EIF3M: variants seen among roughly 807,000 people sequenced by gnomAD.
EIF3M encodes the protein B5 receptor.
In EIF3M, 25 loss-of-function variants were observed where a neutral mutation model predicts 49.7. That is an observed-to-expected ratio of 0.50 (90% CI 0.37 to 0.70). The LOEUF is 0.70. EIF3M is among the 30% of genes least tolerant of loss of function. The pLI, the probability that EIF3M is intolerant of heterozygous loss-of-function variation, is 0.00. For synonymous variants in EIF3M, 156 were observed against 149.8 expected, an observed-to-expected ratio of 1.04 and a Z score of -0.30; for missense variants, 350 against 440.0, an observed-to-expected ratio of 0.80 and a Z score of 1.83.
rs1207855628 is a variant in EIF3M, at chr11:32,604,837, T to C, written c.*2438T>C. 6.6e-6 allele frequency: 1 copy of C among 152,106 alleles called. No individual in the cohort carries two copies. Among genetic ancestry groups the C allele is most frequent in the Non-Finnish European group, 1.5e-5 (1 of 68,010 alleles). 9.4% of individuals were successfully genotyped at this position (152,106 alleles called of 1,614,324 possible). On this transcript the variant is annotated 3_prime_UTR_variant, in exon 11 of 11. Coordinates refer to ENST00000531120, the MANE Select transcript of EIF3M (RefSeq NM_006360.6). The stretch of plus-strand genomic sequence containing the variant: ...TAACATTGTCATTTTCAGTGTTAGA[T>C]TATGTAGTACTAAGTTTATTTTATT...
chr11:32,590,409 T>C (rs1855081831), intron 5 of EIF3M, among the ~76,000 whole-genome samples: 1 of 152,214 alleles, frequency 6.6e-6, no homozygotes, highest in African/African-American at 2.4e-5. Flanking sequence ...TAAGTAGTCT[T>C]ACTATAGTCA....
chr11:32,603,070 T>TTA lies in EIF3M; in HGVS notation c.*672_*673dup. 1 of 1,448,534 alleles carries TTA rather than the reference T, an allele frequency of 6.9e-7. No homozygotes were observed. Among genetic ancestry groups the TTA allele is most frequent in the Non-Finnish European group, 9.5e-7 (1 of 1,057,842 alleles). The allele number at this position is 1,448,534 out of a possible 1,614,324, so 89.7% of individuals were successfully genotyped here. A position where few individuals can be genotyped will look rare whatever the true frequency, so the allele number is the denominator to read the frequency against. On this transcript the variant is annotated 3_prime_UTR_variant, in exon 11 of 11. Transcript: ENST00000531120. ...CTTCGAAATTATTATACAAAAGATT[T>TTA]TAAAGAGTCTGTAAAGCCTCTGCAG...
intron 1 of EIF3M, 197 bp from the exon 2 acceptor site, chr11:32,586,815 C>A: frequency 3.8e-6 from 2 of 531,778 alleles, no homozygotes; most frequent in East Asian, 3.3e-5. Context: ...GTCTAAGGAG[C>A]CACTGGACCT....
intron 10 of EIF3M, 32 bp from the exon 11 acceptor site, chr11:32,602,247 A>G (rs1855281001): frequency 1.2e-6 from 2 of 1,601,626 alleles, no homozygotes; most frequent in African/African-American, 2.7e-5. Context: ...TAAAAGGTTG[A>G]CTAACACTGT....
chr11:32,585,314 A>G (rs189211035), intron 1 of EIF3M, among the ~76,000 whole-genome samples: 5 of 152,204 alleles, frequency 3.3e-5, no homozygotes, highest in Non-Finnish European at 7.4e-5. Context: ...TTTTTAACAT[A>G]CAAAGTGAAT....
At chr11:32,591,390 TA>T (rs1205753775) in intron 5 of EIF3M, among the ~76,000 whole-genome samples, 1 of 152,248 alleles carries the variant, frequency 6.6e-6, no homozygotes, top group African/African-American at 2.4e-5. Context: ...TTATACTTTT[TA>T]ATTTTAATTT....
Position 32,600,809 on chromosome 11 carries a change from A to T in EIF3M, c.920A>T (p.Asp307Val), listed in dbSNP as rs142909545. The T allele has an allele frequency of 4.2e-4, 682 of 1,605,360 alleles. 2 individuals are homozygous for T. Among genetic ancestry groups the T allele is most frequent in the Non-Finnish European group, 5.4e-4 (631 of 1,176,330 alleles). ...CAAGAACTTCAGATTGGAGCTGATG[A>T]TGTTGAAGCATTTGTTATTGACGGT... ...MQQELQIGAD[D>V]VEAFVIDAVR... Residue 307 changes from aspartate (D) to valine (V), a missense_variant, in exon 9 of 11, where the codon GAT becomes GTT. Physicochemically the swap from Asp to Val is radical, Grantham distance 152 (BLOSUM62 -3). Coordinates refer to ENST00000531120, the MANE Select transcript of EIF3M (RefSeq NM_006360.6).
At chr11:32,589,762 A>G in intron 5 of EIF3M, 121 bp downstream of exon 5, 2 of 663,684 alleles carry the variant, frequency 3.0e-6, no homozygotes, top group South Asian at 2.4e-5. Flanking sequence ...GAGTTGCTAT[A>G]AATCTATTTC....
At chr11:32,592,430 G>C in intron 5 of EIF3M, 1 of 542,352 alleles carries the variant, frequency 1.8e-6, no homozygotes, top group South Asian at 1.4e-5. Flanking sequence ...ATGTTCTTCT[G>C]TATCTTCTTT....
chr11:32,602,033 G>T, intron 10 of EIF3M: 1 of 833,412 alleles, frequency 1.2e-6, no homozygotes. Flanking sequence ...TTTAATGGCT[G>T]AGCATTGGCT....
Position 32,601,610 on chromosome 11 carries a change from C to T in EIF3M, c.944-152C>T, listed in dbSNP as rs979255989. 2.3e-5 allele frequency: 14 copies of T among 614,046 alleles called. No homozygotes were observed. In the Admixed American group the frequency reaches 4.0e-4, roughly 18 times the overall value. 38.0% of individuals were successfully genotyped at this position (614,046 alleles called of 1,614,324 possible). ...TGCATGACCTTTCTTTTGGTTGCCC[C>T]ATACTGTTTTGCTTATTAGATTTAA... On this transcript the variant is annotated intron_variant, in intron 9 of 10. Transcript: ENST00000531120.
intron 5 of EIF3M, among the ~76,000 whole-genome samples, chr11:32,591,364 T>G (rs375822353): frequency 1.3e-5 from 2 of 152,316 alleles, no homozygotes; most frequent in South Asian, 4.1e-4. Context: ...TTCTTTGAAT[T>G]TTTATAGTTA....
In EIF3M at chr11:32,602,846, C is replaced by A. The variant is rs1855292073; in HGVS notation, c.*447C>A. 6.2e-7 allele frequency: 1 copy of A among 1,608,364 alleles called. No homozygotes were observed. On this transcript the variant is annotated 3_prime_UTR_variant, in exon 11 of 11. Transcript: ENST00000531120. ...CTGTTGTTTTTTTCCAACGTCTCTTCTGCTTTTCTTTTCTTTGGCTGGTTG... is the reference window on the plus strand; with the variant it reads ...CTGTTGTTTTTTTCCAACGTCTCTTATGCTTTTCTTTTCTTTGGCTGGTTG...
intron 7 of EIF3M, 72 bp from the exon 8 acceptor site, chr11:32,595,894 A>C (rs139574814): frequency 9.1e-7 from 1 of 1,097,268 alleles, no homozygotes; most frequent in African/African-American, 1.6e-5. Flanking sequence ...AATATTTACA[A>C]TATCTTAGAA....
At chr11:32,592,344 T>G (rs954824096) in intron 5 of EIF3M, 2 of 553,540 alleles carry the variant, frequency 3.6e-6, no homozygotes, top group Middle Eastern at 5.9e-4. Context: ...ATCCTCTCTT[T>G]TTTCCACTCT....
intron 1 of EIF3M, among the ~76,000 whole-genome samples, chr11:32,586,477 T>A (rs145195788): frequency 3.1e-4 from 47 of 152,304 alleles, no homozygotes; most frequent in Admixed American, 1.2e-3. Flanking sequence ...TAAGGCAGCA[T>A]TCACCGCATT....
Position 32,602,647 on chromosome 11 carries a change from C to CAGAG in EIF3M, c.*252_*255dup, listed in dbSNP as rs538710044. ...AGCACTTTAAAGAAAGGATAATATA[C>CAGAG]AGAGAGAAGACAGAAGTAGAGTAAT... On this transcript the variant is annotated 3_prime_UTR_variant, in exon 11 of 11. Transcript: ENST00000531120. The CAGAG allele has an allele frequency of 1.3e-6, 1 of 762,352 alleles. No individual in the cohort carries two copies. 47.2% of individuals were successfully genotyped at this position (762,352 alleles called of 1,614,324 possible).
intron 8 of EIF3M, among the ~76,000 whole-genome samples, chr11:32,599,782 C>T (rs1480726127): frequency 6.6e-6 from 1 of 151,842 alleles, no homozygotes; most frequent in East Asian, 1.9e-4. Context: ...AAATTTCTAG[C>T]CCTTTATTTT....
At chr11:32,601,909 G>T in intron 10 of EIF3M, 87 bp downstream of exon 10, 1 of 1,392,644 alleles carries the variant, frequency 7.2e-7, no homozygotes, top group Non-Finnish European at 1.0e-6. Context: ...AACCAAGGTG[G>T]TGTTATCACT....
Sources: gnomAD v4.1 joint callset for allele counts (sites outside exome capture counted in the v4.1 genomes callset) on GRCh38, gnomAD v4.1.1 for gene constraint, MANE v1.5 for transcripts, NCBI Gene and HGNC (gene_info 2026-07-23, HGNC 2026-07-21) for gene names.